Variants in CDH13 observed in about 807,000 individuals in gnomAD.
The protein encoded by CDH13 is cadherin 13, also known as cadherin-13.
CDH13 carries 24 observed loss-of-function variants against 63.8 expected under a neutral mutation model. The observed-to-expected ratio is 0.38, with a 90% confidence interval of 0.27 to 0.53. The LOEUF (loss-of-function observed/expected upper bound fraction) is 0.53. CDH13 is among the 20% of genes least tolerant of loss of function. The pLI, the probability that CDH13 is intolerant of heterozygous loss-of-function variation, is 0.85. For missense variants in CDH13, 1,049 were observed against 903.1 expected, an observed-to-expected ratio of 1.16 and a Z score of -2.07; for synonymous variants, 503 against 355.3, an observed-to-expected ratio of 1.42 and a Z score of -4.67.
intron 4 of CDH13, among the ~76,000 whole-genome samples, chr16:83,179,425 C>T (rs2038255693): frequency 6.8e-6 from 1 of 146,782 alleles, no homozygotes; most frequent in African/African-American, 2.6e-5. Flanking sequence ...GGGTGGATCA[C>T]CTGAGATCAG....
Position 83,439,463 on chromosome 16 carries a change from G to A in CDH13, c.782-47014G>A, listed in dbSNP as rs546006053. Among the ~76,000 whole-genome samples, 6 of 152,250 alleles carry A rather than the reference G, an allele frequency of 3.9e-5. 1 individual carries two copies. The East Asian group carries it at 5.8e-4, about 15-fold the overall frequency. On this transcript the variant is annotated intron_variant, in intron 6 of 13. Coordinates refer to ENST00000567109, the MANE Select transcript of CDH13 (RefSeq NM_001257.5). Reference sequence around the variant, plus strand: ...GGCTTGCATTATTAGCTGCTTTGGCGGAAGGGTCACAAAACTGAACCATTT... The same window carrying A: ...GGCTTGCATTATTAGCTGCTTTGGCAGAAGGGTCACAAAACTGAACCATTT...
At chr16:82,826,638 G>C (rs527952808) in intron 1 of CDH13, 1 of 152,156 alleles carries the variant, frequency 6.6e-6, no homozygotes, top group Non-Finnish European at 1.5e-5. Flanking sequence ...GGGGGAAAAG[G>C]CGAAGGGCTC....
chr16:83,734,847 C>T (rs1459802661), intron 10 of CDH13, among the ~76,000 whole-genome samples: 1 of 151,682 alleles, frequency 6.6e-6, no homozygotes, highest in Non-Finnish European at 1.5e-5. Context: ...GGGTCTGGCT[C>T]CTCATTATCC....
chr16:83,599,141 G>A (rs1907545648), intron 7 of CDH13, among the ~76,000 whole-genome samples: 1 of 152,190 alleles, frequency 6.6e-6, no homozygotes, highest in Admixed American at 6.5e-5. Flanking sequence ...AAGAGGGAGT[G>A]GGTATCAGGA....
In CDH13 at chr16:83,032,229, T is replaced by G; in HGVS notation, c.366+11T>G. The stretch of plus-strand genomic sequence containing the variant: ...CAGGGCTCCTTGCAGGTAACACATC[T>G]GTTTGAGATAACTTGGGTTCAAGGA... On this transcript the variant is annotated intron_variant, in intron 3 of 13. Transcript: ENST00000567109. 6.2e-7 allele frequency: 1 copy of G among 1,607,544 alleles called. No individual in the cohort carries two copies.
intron 1 of CDH13, among the ~76,000 whole-genome samples, chr16:82,761,649 A>G (rs1388960418): frequency 6.6e-6 from 1 of 152,214 alleles, no homozygotes; most frequent in Non-Finnish European, 1.5e-5. Flanking sequence ...AAAGTCACAT[A>G]AAGTTCCAAA....
intron 5 of CDH13, among the ~76,000 whole-genome samples, chr16:83,226,714 C>T (rs984123072): frequency 5.3e-5 from 8 of 152,258 alleles, no homozygotes; most frequent in Non-Finnish European, 8.8e-5. Flanking sequence ...TTTGTCCAGC[C>T]CAGCAGCCCA....
intron 4 of CDH13, among the ~76,000 whole-genome samples, chr16:83,191,758 T>C (rs193240624): frequency 6.6e-6 from 1 of 151,916 alleles, no homozygotes; most frequent in African/African-American, 2.4e-5. Context: ...TAAACCAGTC[T>C]AGGCTTTTCA....
chr16:83,198,726 G>C (rs990594217), intron 4 of CDH13, among the ~76,000 whole-genome samples: 1 of 152,124 alleles, frequency 6.6e-6, no homozygotes, highest in South Asian at 2.1e-4. Context: ...CTGTTGTATG[G>C]GAACAGGCTC....
chr16:83,270,882 C>CCCTCCCTCCCTT (rs1226148692), intron 5 of CDH13, among the ~76,000 whole-genome samples: 7 of 141,222 alleles, frequency 5.0e-5, no homozygotes, highest in African/African-American at 1.8e-4. Context: ...TGCCTTCCCT[C>CCCTCCCTCCCTT]CCTCCCTCCC....
intron 3 of CDH13, among the ~76,000 whole-genome samples, chr16:83,048,217 A>G (rs559802063): frequency 3.2e-4 from 49 of 152,306 alleles, no homozygotes; most frequent in Non-Finnish European, 6.5e-4. Context: ...AACTTTCATA[A>G]CTCAGGTATT....
At chr16:83,146,330 C>A (rs567994280) in intron 4 of CDH13, among the ~76,000 whole-genome samples, 1 of 152,300 alleles carries the variant, frequency 6.6e-6, no homozygotes, top group East Asian at 1.9e-4. Flanking sequence ...CTAGATAACT[C>A]CATCACCATG....
At chr16:83,780,375 A>G (rs1421282841) in intron 12 of CDH13, among the ~76,000 whole-genome samples, 174 bp downstream of exon 12, 1 of 152,218 alleles carries the variant, frequency 6.6e-6, no homozygotes, top group Admixed American at 6.5e-5. Context: ...GCAATTTATA[A>G]AAATATTGAA....
chr16:83,081,119 G>T (rs1452478971), intron 3 of CDH13, among the ~76,000 whole-genome samples: 2 of 151,948 alleles, frequency 1.3e-5, no homozygotes, highest in Admixed American at 1.3e-4. Context: ...GACGTCAGGT[G>T]ATCTGCCCAC....
chr16:82,696,532 T>C (rs1043116435), intron 1 of CDH13, among the ~76,000 whole-genome samples: 1 of 152,152 alleles, frequency 6.6e-6, no homozygotes, highest in Non-Finnish European at 1.5e-5. Flanking sequence ...GCAGCAAATA[T>C]GTAAAAAAAA....
chr16:82,985,637 C>T (rs1249809934), intron 2 of CDH13, among the ~76,000 whole-genome samples: 1 of 152,174 alleles, frequency 6.6e-6, no homozygotes. Context: ...CCCTCACCCT[C>T]TCTGAACCTT....
At chr16:83,249,056 T>A (rs936838181) in intron 5 of CDH13, among the ~76,000 whole-genome samples, 1 of 152,188 alleles carries the variant, frequency 6.6e-6, no homozygotes, top group African/African-American at 2.4e-5. Context: ...TATCTGACTC[T>A]CAGAAATAAC....
intron 4 of CDH13, among the ~76,000 whole-genome samples, chr16:83,133,548 G>C (rs2036148643): frequency 6.6e-6 from 1 of 152,154 alleles, no homozygotes; most frequent in Non-Finnish European, 1.5e-5. Context: ...ACCCACACTG[G>C]AATGCAGTGG....
chr16:83,772,438 C>T lies in CDH13; in HGVS notation c.1682-7530C>T, dbSNP rs548932426. ...ACATCCCAGAAACACGATAAATTAG[C>T]AGACCAAATGCCAGTCTGCAACTGC... On this transcript the variant is annotated intron_variant, in intron 11 of 13. Transcript: ENST00000567109. Among the ~76,000 whole-genome samples the T allele has an allele frequency of 3.9e-5, 6 of 152,302 alleles. 1 individual carries two copies. The highest frequency in any genetic ancestry group is 1.4e-4 in the African/African-American group (6 of 41,560).
Sources: gnomAD v4.1 joint callset for allele counts (sites outside exome capture counted in the v4.1 genomes callset) on GRCh38, gnomAD v4.1.1 for gene constraint, MANE v1.5 for transcripts, NCBI Gene and HGNC (gene_info 2026-07-23, HGNC 2026-07-21) for gene names.